PNPT1: variants seen among roughly 807,000 people sequenced by gnomAD.
PNPT1 encodes the protein polyribonucleotide nucleotidyltransferase 1, mitochondrial.
PNPT1 carries 53 observed loss-of-function variants against 119.5 expected under a neutral mutation model. The ratio of observed to expected loss-of-function variants is 0.44; its 90% CI spans 0.36 to 0.56. The LOEUF is 0.56. Ranked by LOEUF, PNPT1 falls within the 20% of genes least tolerant of loss-of-function variation. The probability of loss-of-function intolerance (pLI) is 0.00; values close to 1 mark genes in which losing one functional copy is unlikely to be tolerated. For missense variants in PNPT1, 948 were observed against 938.5 expected, an observed-to-expected ratio of 1.01 and a Z score of -0.13; for synonymous variants, 357 against 322.1, an observed-to-expected ratio of 1.11 and a Z score of -1.16.
At chr2:55,637,714 C>T (rs999471980) in intron 26 of PNPT1, 115 bp from the exon 27 acceptor site, 23 of 904,294 alleles carry the variant, frequency 2.5e-5, no homozygotes, top group African/African-American at 3.3e-5. Flanking sequence ...AATCAGTTAG[C>T]GGCTGGGCGC....
At chr2:55,652,755 C>T (rs1251862873) in intron 18 of PNPT1, among the ~76,000 whole-genome samples, 1 of 152,256 alleles carries the variant, frequency 6.6e-6, no homozygotes, top group African/African-American at 2.4e-5. Flanking sequence ...ATACCCTCTA[C>T]TGCAAATGCA....
intron 5 of PNPT1, among the ~76,000 whole-genome samples, chr2:55,682,417 C>T (rs968033385): frequency 1.3e-5 from 2 of 151,548 alleles, no homozygotes; most frequent in African/African-American, 4.9e-5. Context: ...GCCGAGATTG[C>T]GCCATTGCAC....
At chr2:55,645,838 CT>C (rs373760696) in intron 21 of PNPT1, among the ~76,000 whole-genome samples, 1 of 48,778 alleles carries the variant, frequency 2.1e-5, no homozygotes, top group East Asian at 2.4e-4. Flanking sequence ...CTTAGTACTT[CT>C]TTTTTTTTGA....
At chr2:55,660,845 C>G (rs1696544891) in intron 14 of PNPT1, among the ~76,000 whole-genome samples, 1 of 152,170 alleles carries the variant, frequency 6.6e-6, no homozygotes, top group African/African-American at 2.4e-5. Flanking sequence ...CAGTGTTCTG[C>G]ATTCCACCTT....
At chr2:55,686,554 T>C in intron 2 of PNPT1, 110 bp from the exon 3 acceptor site, 2 of 726,444 alleles carry the variant, frequency 2.8e-6, no homozygotes, top group Non-Finnish European at 4.6e-6. Context: ...AGATATCTAA[T>C]TCTACGACAC....
chr2:55,680,147 G>C (rs773338430), intron 7 of PNPT1, among the ~76,000 whole-genome samples: 4 of 152,078 alleles, frequency 2.6e-5, no homozygotes, highest in Non-Finnish European at 5.9e-5. Flanking sequence ...TTGACAACCT[G>C]ACCACACAAA....
intron 7 of PNPT1, 62 bp from the exon 8 acceptor site, chr2:55,679,857 T>G: frequency 8.7e-7 from 1 of 1,145,690 alleles, no homozygotes; most frequent in African/African-American, 1.6e-5. Flanking sequence ...AAGACATTAT[T>G]CCAGTCATGG....
rs548172820 is a variant in PNPT1 at position 55,639,785 on chromosome 2, T to C, written c.2148+842A>G. 4.2e-4 allele frequency among the ~76,000 whole-genome samples: 64 copies of C among 152,256 alleles called. 2 individuals are homozygous for C. The highest frequency in any genetic ancestry group is 1.3e-3 in the African/African-American group (55 of 41,562). On this transcript the variant is annotated intron_variant, in intron 26 of 27. Coordinates refer to ENST00000447944, the MANE Select transcript of PNPT1 (RefSeq NM_033109.5). Reference sequence around the variant, plus strand: ...TTTATTTACTTTTTTGGCTTTGATATCATGTTGAGGAGTTCTCCACTACTA... The same window carrying C: ...TTTATTTACTTTTTTGGCTTTGATACCATGTTGAGGAGTTCTCCACTACTA...
Position 55,685,022 on chromosome 2 carries a change from T to TGCA in PNPT1, c.321_323dup (p.Ala109dup), listed in dbSNP as rs780723508. The TGCA allele has an allele frequency of 6.3e-7, 1 of 1,594,234 alleles. No homozygotes were observed. The highest frequency in any genetic ancestry group is 8.6e-7 in the Non-Finnish European group (1 of 1,166,698). On this transcript the variant is annotated inframe_insertion, in exon 4 of 28. Transcript: ENST00000447944. ...GATAGTTTGTGGGAATTCTACCTGC[T>TGCA]GCAGCAGCTTTTTGTCTGTAGTCAA...
At chr2:55,662,082 C>A in intron 13 of PNPT1, 56 bp from the exon 14 acceptor site, 1 of 1,385,356 alleles carries the variant, frequency 7.2e-7, no homozygotes, top group Admixed American at 3.0e-5. Context: ...AAGATGAAAA[C>A]TAAAAATACT....
intron 1 of PNPT1, among the ~76,000 whole-genome samples, chr2:55,689,154 G>T (rs1697514154): frequency 6.6e-6 from 1 of 152,134 alleles, no homozygotes. Context: ...AAACACCATA[G>T]ATTAAGAGAA....
Position 55,654,343 on chromosome 2 carries a change from C to G in PNPT1, c.1495+557G>C, listed in dbSNP as rs563454387. Among the ~76,000 whole-genome samples, 4 of 152,104 alleles carry G rather than the reference C, an allele frequency of 2.6e-5. No homozygotes were observed. The South Asian group carries it at 8.3e-4, about 32-fold the overall frequency. ...GGGATTATAATGAAACATTTGTAGTCCGCCTTCCTAAAATTGTGTGTACAC... is the reference window on the plus strand; with the variant it reads ...GGGATTATAATGAAACATTTGTAGTGCGCCTTCCTAAAATTGTGTGTACAC... On this transcript the variant is annotated intron_variant, in intron 18 of 27. Coordinates refer to ENST00000447944, the MANE Select transcript of PNPT1 (RefSeq NM_033109.5).
In PNPT1 at chr2:55,636,174, G is replaced by A. The variant is rs1409738173; in HGVS notation, c.*63C>T. 41 of 1,235,214 alleles carry A rather than the reference G, an allele frequency of 3.3e-5. No homozygotes were observed. In the East Asian group the frequency reaches 9.1e-4, roughly 28 times the overall value. The allele number at this position is 1,235,214 out of a possible 1,614,324, so 76.5% of individuals were successfully genotyped here. A position where few individuals can be genotyped will look rare whatever the true frequency, so the allele number is the denominator to read the frequency against. On this transcript the variant is annotated 3_prime_UTR_variant, in exon 28 of 28. Transcript: ENST00000447944. ...ACACAATGGAAGATACTACTAAAAT[G>A]TTGCTCTACAGCACATCACCCTAGA...
At position 55,684,963 on chromosome 2, in the gene PNPT1, A is replaced by G. The variant is rs764292574; in HGVS notation, c.383T>C (p.Ile128Thr). Residue 128 changes from isoleucine (I) to threonine (T), a missense_variant, in exon 4 of 28, where the codon ATT (isoleucine) becomes ACT (threonine). Transcript: ENST00000447944. ...CTTACCTATTATTCGACTTGTTAGAATTTCTTTATCAGAAGTACCAATCTC... is the reference window on the plus strand; with the variant it reads ...CTTACCTATTATTCGACTTGTTAGAGTTTCTTTATCAGAAGTACCAATCTC... Reference protein sequence around the residue: ...RREIGTSDKEILTSRIIDRSI... With the variant: ...RREIGTSDKETLTSRIIDRSI... 1.0e-4 allele frequency: 163 copies of G among 1,585,744 alleles called. 1 individual carries two copies. The highest frequency in any genetic ancestry group is 1.4e-4 in the Non-Finnish European group (159 of 1,160,490).
At chr2:55,656,460 G>GAT in intron 15 of PNPT1, 89 bp from the exon 16 acceptor site, 1 of 1,166,118 alleles carries the variant, frequency 8.6e-7, no homozygotes, top group Non-Finnish European at 1.2e-6. Flanking sequence ...ACAACTTATA[G>GAT]AACAGTAGAA....
chr2:55,686,559 C>T (rs1053224535), intron 2 of PNPT1, 115 bp from the exon 3 acceptor site: 9 of 694,642 alleles, frequency 1.3e-5, no homozygotes, highest in South Asian at 8.0e-5. Flanking sequence ...TCTAATTCTA[C>T]GACACGATTA....
intron 4 of PNPT1, among the ~76,000 whole-genome samples, chr2:55,684,340 A>G (rs1697333058): frequency 6.6e-6 from 1 of 152,110 alleles, no homozygotes; most frequent in South Asian, 2.1e-4. Context: ...AAATACAAAA[A>G]TCAGCCAGGC....
chr2:55,652,660 C>G (rs564585349), intron 18 of PNPT1, among the ~76,000 whole-genome samples: 1 of 152,112 alleles, frequency 6.6e-6, no homozygotes, highest in Non-Finnish European at 1.5e-5. Context: ...ATTATTTAGT[C>G]TAAATTTCTG....
At chr2:55,645,291 TG>T in intron 22 of PNPT1, 57 bp downstream of exon 22, 4 of 1,220,866 alleles carry the variant, frequency 3.3e-6, no homozygotes, top group Non-Finnish European at 3.6e-6. Context: ...CCCAAAGTGC[TG>T]GGATTACAGG....
Sources: allele counts gnomAD v4.1 joint callset (sites outside exome capture counted in the v4.1 genomes callset), GRCh38; gene constraint gnomAD v4.1.1; transcripts MANE v1.5; gene names NCBI Gene and HGNC (gene_info 2026-07-23, HGNC 2026-07-21).